GPHN: variants seen among roughly 807,000 people sequenced by gnomAD.
GPHN encodes the protein gephyrin.
In GPHN, 17 loss-of-function variants were observed where a neutral mutation model predicts 95.5. The observed-to-expected ratio is 0.18, with a 90% CI of 0.12 to 0.27. The LOEUF (loss-of-function observed/expected upper bound fraction) is 0.27, where lower values mean the gene tolerates loss of function less well. Among genes scored for constraint, GPHN ranks in the 10% least tolerant of loss-of-function variants. GPHN has a pLI of 1.00. For missense variants in GPHN, 660 were observed against 978.1 expected (o/e 0.67, Z 4.34); for synonymous variants, 320 against 322.5 (o/e 0.99, Z 0.08).
intron 8 of GPHN, among the ~76,000 whole-genome samples, chr14:66,954,799 G>A (rs918705191): frequency 2.0e-5 from 3 of 152,092 alleles, no homozygotes; most frequent in African/African-American, 7.2e-5. Context: ...TATATTCCTA[G>A]TTTTCCAAGT....
At chr14:66,771,211 T>G (rs1398504174) in intron 2 of GPHN, among the ~76,000 whole-genome samples, 2 of 152,222 alleles carry the variant, frequency 1.3e-5, no homozygotes, top group Non-Finnish European at 2.9e-5. Context: ...GTAATTGAAC[T>G]GTGATAAATC....
intron 1 of GPHN, among the ~76,000 whole-genome samples, chr14:66,550,523 A>T (rs544332677): frequency 3.3e-5 from 5 of 152,244 alleles, no homozygotes; most frequent in Non-Finnish European, 5.9e-5. Flanking sequence ...AAAGGGTTTT[A>T]ATTATTACAT....
chr14:66,679,680 A>G (rs2066826295), intron 1 of GPHN, among the ~76,000 whole-genome samples: 1 of 152,110 alleles, frequency 6.6e-6, no homozygotes, highest in African/African-American at 2.4e-5. Flanking sequence ...CTATATTCAA[A>G]TTCACTAATC....
At chr14:67,594,386 C>T in the GPHN span, among the ~76,000 whole-genome samples, 4 of 152,172 alleles carry the variant, frequency 2.6e-5, no homozygotes, top group Non-Finnish European at 5.9e-5. Context: ...AGGTGGCTCA[C>T]GCCTGTACTC....
chr14:66,578,026 G>T (rs568400591), intron 1 of GPHN, among the ~76,000 whole-genome samples: 6 of 151,938 alleles, frequency 3.9e-5, no homozygotes, highest in East Asian at 1.9e-4. Flanking sequence ...TTATTATTTT[G>T]TTGTGATTTA....
At chr14:66,874,277 G>A (rs2063561348) in intron 4 of GPHN, among the ~76,000 whole-genome samples, 1 of 152,178 alleles carries the variant, frequency 6.6e-6, no homozygotes. Flanking sequence ...AGCAAAGGTA[G>A]ATAAATCCAC....
At chr14:67,001,586 T>C (rs1017961508) in intron 9 of GPHN, among the ~76,000 whole-genome samples, 1 of 151,758 alleles carries the variant, frequency 6.6e-6, no homozygotes, top group Non-Finnish European at 1.5e-5. Context: ...TTTTCATCTT[T>C]GACATTTAGT....
intron 5 of GPHN, among the ~76,000 whole-genome samples, chr14:66,881,924 T>C (rs2063947708): frequency 6.6e-6 from 1 of 151,952 alleles, no homozygotes; most frequent in African/African-American, 2.4e-5. Context: ...CAAGAATATA[T>C]TTATAAACTT....
chr14:67,199,615 G>A, the GPHN span: 3 of 1,587,852 alleles, frequency 1.9e-6, no homozygotes, highest in Non-Finnish European at 2.6e-6. Context: ...CCAAGGGTGA[G>A]CGCCATGGCT....
the GPHN span, among the ~76,000 whole-genome samples, chr14:67,258,571 G>A: frequency 2.0e-5 from 3 of 152,040 alleles, no homozygotes; most frequent in East Asian, 3.9e-4. Flanking sequence ...ATAGGCACAC[G>A]CCACCACAAC....
the GPHN span, chr14:67,387,303 G>A: frequency 6.3e-7 from 1 of 1,594,936 alleles, no homozygotes; most frequent in Non-Finnish European, 8.5e-7. Flanking sequence ...GTAGGAGGGA[G>A]GAATCCTGGT....
intron 9 of GPHN, among the ~76,000 whole-genome samples, chr14:66,985,212 T>C (rs1359584373): frequency 6.6e-6 from 1 of 152,188 alleles, no homozygotes; most frequent in Non-Finnish European, 1.5e-5. Context: ...GGAGCTTCAC[T>C]CTGTCACCTA....
chr14:67,628,784 A>G, the GPHN span, among the ~76,000 whole-genome samples: 1 of 152,342 alleles, frequency 6.6e-6, no homozygotes. Context: ...GTTGGTAGGA[A>G]CATAAAATGG....
At chr14:66,678,878 G>A (rs2066769890) in intron 1 of GPHN, among the ~76,000 whole-genome samples, 1 of 152,192 alleles carries the variant, frequency 6.6e-6, no homozygotes, top group African/African-American at 2.4e-5. Flanking sequence ...GGGCGTTCAG[G>A]TGAGGTTGTT....
the GPHN span, chr14:67,279,183 C>T: frequency 2.5e-6 from 4 of 1,593,400 alleles, no homozygotes; most frequent in African/African-American, 4.1e-5. Flanking sequence ...GACAACATCC[C>T]ATATGAATGG....
chr14:67,377,257 C>T, the GPHN span, among the ~76,000 whole-genome samples: 1 of 152,138 alleles, frequency 6.6e-6, no homozygotes, highest in African/African-American at 2.4e-5. Flanking sequence ...ATCAATGTTC[C>T]TGCCTTCTCT....
intron 8 of GPHN, among the ~76,000 whole-genome samples, chr14:66,943,417 T>C (rs1426659189): frequency 6.6e-6 from 1 of 152,210 alleles, no homozygotes; most frequent in East Asian, 1.9e-4. Flanking sequence ...TAATTAAAGA[T>C]GCGGTTAGTA....
At chr14:67,148,576 T>C (rs1314344743) in intron 18 of GPHN, among the ~76,000 whole-genome samples, 6 of 149,094 alleles carry the variant, frequency 4.0e-5, no homozygotes, top group Admixed American at 3.3e-4. Context: ...TTTTTTTTTT[T>C]TTGAGACAGA....
At chr14:67,345,663 G>A in the GPHN span, 2 of 689,754 alleles carry the variant, frequency 2.9e-6, no homozygotes. Flanking sequence ...CATGGGAACA[G>A]TTAAAAGTAC....
Sources: allele counts gnomAD v4.1 joint callset (sites outside exome capture counted in the v4.1 genomes callset), GRCh38; gene constraint gnomAD v4.1.1; transcripts MANE v1.5; gene names NCBI Gene and HGNC (gene_info 2026-07-23, HGNC 2026-07-21).